STK11: variants seen among roughly 807,000 people sequenced by gnomAD.
STK11 encodes the protein serine/threonine-protein kinase STK11.
A neutral mutation model predicts 47.3 loss-of-function variants in STK11; 8 were observed. The ratio of observed to expected loss-of-function variants is 0.17; its 90% confidence interval spans 0.10 to 0.31. The LOEUF is 0.31. STK11 is among the 10% of genes least tolerant of loss of function. The pLI, the probability that STK11 is intolerant of heterozygous loss-of-function variation, is 1.00. For synonymous variants in STK11, 330 were observed against 255.8 expected (o/e 1.29, Z -2.77); for missense variants, 475 against 605.0 (o/e 0.79, Z 2.25).
intron 3 of STK11, 94 bp downstream of exon 3, chr19:1,219,507 T>C (rs538840976): frequency 3.7e-6 from 5 of 1,342,688 alleles, no homozygotes; most frequent in South Asian, 2.7e-5. Flanking sequence ...TGTCCTGATA[T>C]TCATTGACAT....
At chr19:1,225,169 C>T (rs1040757805) in intron 8 of STK11, 25 of 985,340 alleles carry the variant, frequency 2.5e-5, no homozygotes, top group Admixed American at 1.8e-4. Context: ...CCCGCTGATG[C>T]AGAGCTGGGG....
intron 1 of STK11, among the ~76,000 whole-genome samples, chr19:1,212,060 A>G (rs1197111578): frequency 2.6e-5 from 4 of 152,066 alleles, no homozygotes; most frequent in African/African-American, 9.7e-5. Context: ...CAGCCGCAGA[A>G]CAGCGGGGGT....
At position 1,227,940 on chromosome 19, in the gene STK11, C is replaced by A; in HGVS notation, c.*364C>A. ...CGCCCAGCGCCGTCCGGCGGCCCCG[C>A]CGCAGACCAGCTGGCGGGTGTGGAG... On this transcript the variant is annotated 3_prime_UTR_variant, in exon 10 of 10. Transcript: ENST00000326873. 9.3e-7 allele frequency: 1 copy of A among 1,070,424 alleles called. No homozygotes were observed. The highest frequency in any genetic ancestry group is 4.8e-5 in the East Asian group (1 of 20,788). 66.3% of individuals were successfully genotyped at this position (1,070,424 alleles called of 1,614,324 possible).
At chr19:1,223,280 G>T in intron 8 of STK11, 108 bp downstream of exon 8, 1 of 1,336,024 alleles carries the variant, frequency 7.5e-7, no homozygotes, top group South Asian at 1.3e-5. Context: ...CCCTCTGGTG[G>T]CCAATCCCAC....
Position 1,227,893 on chromosome 19 carries a change from C to T in STK11, c.*317C>T, listed in dbSNP as rs550127419. ...TTATGTGGAGACTACTGGCCCCGCC[C>T]GTGGCCTCGTGCTCCGCAGGGCGCC... On this transcript the variant is annotated 3_prime_UTR_variant, in exon 10 of 10. Transcript: ENST00000326873. The T allele has an allele frequency of 4.7e-6, 5 of 1,069,202 alleles. No homozygotes were observed. Among genetic ancestry groups the T allele is most frequent in the African/African-American group, 1.6e-5 (1 of 61,002 alleles). 66.2% of individuals were successfully genotyped at this position (1,069,202 alleles called of 1,614,324 possible).
At chr19:1,219,497 T>C in intron 3 of STK11, 84 bp downstream of exon 3, 1 of 1,394,810 alleles carries the variant, frequency 7.2e-7, no homozygotes, top group East Asian at 2.5e-5. Context: ...CCACACTGCT[T>C]GTCCTGATAT....
intron 1 of STK11, among the ~76,000 whole-genome samples, 156 bp from the exon 2 acceptor site, chr19:1,218,261 G>C (rs557878260): frequency 2.0e-5 from 3 of 152,288 alleles, no homozygotes; most frequent in Non-Finnish European, 4.4e-5. Flanking sequence ...GGCCCCTGCA[G>C]GGCCCTTTCC....
At chr19:1,213,995 C>A (rs930860614) in intron 1 of STK11, among the ~76,000 whole-genome samples, 3 of 152,252 alleles carry the variant, frequency 2.0e-5, no homozygotes, top group Non-Finnish European at 4.4e-5. Flanking sequence ...CTTCCTATTT[C>A]CTGTCCTGCT....
intron 6 of STK11, 120 bp downstream of exon 6, chr19:1,221,460 G>A: frequency 1.4e-6 from 2 of 1,416,014 alleles, no homozygotes; most frequent in Non-Finnish European, 9.3e-7. Context: ...GCATTGAGAG[G>A]ACTGAGTGGA....
Position 1,226,213 on chromosome 19 carries a change from A to G in STK11, c.1109-241A>G, listed in dbSNP as rs960535130. 2.7e-5 allele frequency: 37 copies of G among 1,363,578 alleles called. No individual in the cohort carries two copies. In the Admixed American group the frequency reaches 8.5e-4, roughly 31 times the overall value. The allele number at this position is 1,363,578 out of a possible 1,614,324, so 84.5% of individuals were successfully genotyped here. ...CCCACCTGCGGCCATGGCAGGTGCAACAGACGTGGTGGAGGGGACACTCCT... is the reference window on the plus strand; with the variant it reads ...CCCACCTGCGGCCATGGCAGGTGCAGCAGACGTGGTGGAGGGGACACTCCT... On this transcript the variant is annotated intron_variant, in intron 8 of 9. Transcript: ENST00000326873.
intron 1 of STK11, among the ~76,000 whole-genome samples, chr19:1,210,542 A>C (rs2080702634): frequency 6.6e-6 from 1 of 152,220 alleles, no homozygotes; most frequent in South Asian, 2.1e-4. Context: ...GTATAATCTT[A>C]TTAGAAATAG....
Position 1,226,682 on chromosome 19 carries a change from CG to C in STK11, c.*16+22del. 6.8e-7 allele frequency: 1 copy of C among 1,475,234 alleles called. No homozygotes were observed. 91.4% of individuals were successfully genotyped at this position (1,475,234 alleles called of 1,614,324 possible). On this transcript the variant is annotated intron_variant, in intron 9 of 9. Transcript: ENST00000326873. ...CCTGCAGGTGGGGCGCGGCGGGGCC[CG>C]GGTGGGGCATGTGGGGACAACGCCT...
At chr19:1,207,578 C>T (rs2145406668) in intron 1 of STK11, among the ~76,000 whole-genome samples, 1 of 152,322 alleles carries the variant, frequency 6.6e-6, no homozygotes, top group Middle Eastern at 3.4e-3. Flanking sequence ...TTTGTTTGGG[C>T]CCCGAGAGTT....
chr19:1,227,342 C>T (rs531497757), intron 9 of STK11: 6 of 213,944 alleles, frequency 2.8e-5, no homozygotes, highest in Non-Finnish European at 4.5e-5. Context: ...GCCTGAGTTA[C>T]ATGTCTGTCC....
Position 1,205,958 on chromosome 19 carries a change from G to C in STK11, c.-956G>C, listed in dbSNP as rs2080660958. The C allele has an allele frequency of 6.6e-6, 1 of 152,600 alleles. No individual in the cohort carries two copies. Among genetic ancestry groups the C allele is most frequent in the Non-Finnish European group, 1.4e-5 (1 of 69,200 alleles). The allele number at this position is 152,600 out of a possible 1,614,324, so 9.5% of individuals were successfully genotyped here. On this transcript the variant is annotated 5_prime_UTR_variant, in exon 1 of 10. Coordinates refer to ENST00000326873, the MANE Select transcript of STK11 (RefSeq NM_000455.5). ...TCCACACGCGCGGCGGCCGCGGCGA[G>C]GGGGACGCGCCGCCCGGGGCCCGGC...
Position 1,223,153 on chromosome 19 carries a change from T to C in STK11, c.1089T>C (p.Thr363=), listed in dbSNP as rs876658309. The C allele has an allele frequency of 1.2e-6, 2 of 1,611,508 alleles. No homozygotes were observed. Among genetic ancestry groups the C allele is most frequent in the Non-Finnish European group, 1.7e-6 (2 of 1,179,446 alleles). Residue 363 remains threonine, a synonymous_variant, in exon 8 of 10, where the codon ACT becomes ACC. Coordinates refer to ENST00000326873, the MANE Select transcript of STK11 (RefSeq NM_000455.5). The part of the protein sequence containing the change: ...LFDIEDDIIY[T]QDFTVPGQVP... Reference sequence around the variant, plus strand: ...ACATCGAGGATGACATCATCTACACTCAGGACTTCACGGTGCCCGGTGAGT... The same window carrying C: ...ACATCGAGGATGACATCATCTACACCCAGGACTTCACGGTGCCCGGTGAGT...
intron 6 of STK11, chr19:1,221,597 C>T (rs1339291366): frequency 3.3e-6 from 2 of 604,070 alleles, no homozygotes; most frequent in South Asian, 2.2e-5. Context: ...CCAGCCCCAC[C>T]CTCGGGGGCT....
intron 1 of STK11, among the ~76,000 whole-genome samples, chr19:1,207,565 GTGTT>G (rs1035236095): frequency 2.0e-5 from 3 of 152,226 alleles, no homozygotes; most frequent in Non-Finnish European, 4.4e-5. Flanking sequence ...GAATCAGCCT[GTGTT>G]TGTTTGGGCC....
rs2080785037 is a variant in STK11 at position 1,221,614 on chromosome 19, C to G, written c.862+274C>G. The G allele has an allele frequency of 7.3e-5, 43 of 590,602 alleles. 1 individual carries two copies. The South Asian group carries it at 9.6e-4, about 13-fold the overall frequency. 36.6% of individuals were successfully genotyped at this position (590,602 alleles called of 1,614,324 possible). On this transcript the variant is annotated intron_variant, in intron 6 of 9. Transcript: ENST00000326873. ...AGCCCCACCCTCGGGGGCTCCCTGG[C>G]TTGCAGGGTCTGTCAGGGTTGTCCT...
Sources: allele counts gnomAD v4.1 joint callset (sites outside exome capture counted in the v4.1 genomes callset), GRCh38; gene constraint gnomAD v4.1.1; transcripts MANE v1.5; gene names NCBI Gene and HGNC (gene_info 2026-07-23, HGNC 2026-07-21).